Variants in ZNF385D observed in about 807,000 individuals in gnomAD.
ZNF385D encodes the protein zinc finger protein 385D.
Under a neutral mutation model 35.8 loss-of-function variants are expected in ZNF385D, and 15 were observed. That is an observed-to-expected ratio of 0.42 (90% CI 0.28 to 0.64). The LOEUF (loss-of-function observed/expected upper bound fraction) is 0.64, where lower values mean the gene tolerates loss of function less well. Among genes scored for constraint, ZNF385D ranks in the 30% least tolerant of loss-of-function variants. The probability of loss-of-function intolerance (pLI) is 0.23; values close to 1 mark genes in which losing one functional copy is unlikely to be tolerated. For synonymous variants in ZNF385D, 212 were observed against 186.8 expected (o/e 1.13, Z -1.10); for missense variants, 474 against 494.6 (o/e 0.96, Z 0.39).
At chr3:21,731,785 T>C (rs2069008201) in intron 1 of ZNF385D, among the ~76,000 whole-genome samples, 1 of 152,152 alleles carries the variant, frequency 6.6e-6, no homozygotes, top group South Asian at 2.1e-4. Context: ...AAGGGTCAAA[T>C]GTAGTTGGAA....
At chr3:21,521,416 G>A (rs1381648650) in intron 3 of ZNF385D, among the ~76,000 whole-genome samples, 6 of 152,194 alleles carry the variant, frequency 3.9e-5, no homozygotes, top group African/African-American at 1.2e-4. Flanking sequence ...ATGAATTAGA[G>A]ATAGAGTGGT....
At chr3:22,358,711 C>T (rs961561311) in intron 2 of ZNF385D, among the ~76,000 whole-genome samples, 1 of 151,446 alleles carries the variant, frequency 6.6e-6, no homozygotes, top group Non-Finnish European at 1.5e-5. Context: ...ATCTGAGAAG[C>T]AAAAATAAGA....
intron 2 of ZNF385D, among the ~76,000 whole-genome samples, chr3:22,235,882 CAAAT>C (rs1304983115): frequency 5.3e-5 from 8 of 152,060 alleles, no homozygotes; most frequent in African/African-American, 1.9e-4. Flanking sequence ...TCATGTTCGA[CAAAT>C]AAAAAGTAAA....
Position 21,512,301 on chromosome 3 carries a change from A to G in ZNF385D, c.277-1278T>C, listed in dbSNP as rs137933677. Among the ~76,000 whole-genome samples, 481 of 152,274 alleles carry G rather than the reference A, an allele frequency of 3.2e-3. 1 individual carries two copies. The highest frequency in any genetic ancestry group is 0.011 in the African/African-American group (465 of 41,560). ...ATTCTTAACTTAGGTTTTCCAGGTC[A>G]TAACCTTTCCAAATGTCCCCCACAA... On this transcript the variant is annotated intron_variant, in intron 3 of 7. Coordinates refer to ENST00000281523, the MANE Select transcript of ZNF385D (RefSeq NM_024697.3).
chr3:21,919,150 T>C (rs915253831), intron 3 of ZNF385D, among the ~76,000 whole-genome samples: 1 of 152,216 alleles, frequency 6.6e-6, no homozygotes, highest in Admixed American at 6.5e-5. Flanking sequence ...TTACAGAATG[T>C]TGAAGGACAA....
chr3:21,631,929 C>T lies in ZNF385D; in HGVS notation c.165+32957G>A, dbSNP rs2065293575. Among the ~76,000 whole-genome samples, 2 of 152,128 alleles carry T rather than the reference C, an allele frequency of 1.3e-5. 1 individual carries two copies. Among genetic ancestry groups the T allele is most frequent in the South Asian group, 4.1e-4 (2 of 4,820 alleles). On this transcript the variant is annotated intron_variant, in intron 2 of 7. Transcript: ENST00000281523. ...ATTGAAGCCTTCAGCTTCCTAGAGGCGGATCCTTATTAATTTGGACTTCAT... is the reference window on the plus strand; with the variant it reads ...ATTGAAGCCTTCAGCTTCCTAGAGGTGGATCCTTATTAATTTGGACTTCAT...
Position 22,101,851 on chromosome 3 carries a change from CTA to C in ZNF385D, c.325+66964_325+66965del, listed in dbSNP as rs1176101207. ...GGTAATATTTTAAATCATCTGGTGACTATATATTTTCTGGTACCAATGAGTAA... is the reference window on the plus strand; with the variant it reads ...GGTAATATTTTAAATCATCTGGTGACTATATTTTCTGGTACCAATGAGTAA... On this transcript the variant is annotated intron_variant, in intron 3 of 5. Transcript: ENST00000494108. 2.6e-5 allele frequency among the ~76,000 whole-genome samples: 4 copies of C among 151,834 alleles called. No homozygotes were observed. The South Asian group carries it at 8.3e-4, about 32-fold the overall frequency.
At chr3:21,971,683 A>T (rs1374769366) in intron 3 of ZNF385D, among the ~76,000 whole-genome samples, 1 of 151,778 alleles carries the variant, frequency 6.6e-6, no homozygotes. Flanking sequence ...GAATGAATAA[A>T]AAAAAAAAGA....
chr3:21,978,901 G>A (rs1351380239), intron 3 of ZNF385D, among the ~76,000 whole-genome samples: 1 of 151,640 alleles, frequency 6.6e-6, no homozygotes, highest in Non-Finnish European at 1.5e-5. Flanking sequence ...CTTTTCCCAA[G>A]AAAAGTAAAA....
intron 3 of ZNF385D, among the ~76,000 whole-genome samples, chr3:21,979,185 G>A (rs572479563): frequency 1.5e-4 from 23 of 151,964 alleles, no homozygotes; most frequent in Non-Finnish European, 2.5e-4. Flanking sequence ...CCAAACATTT[G>A]TAAAAAGGAG....
rs1049822465 is a variant in ZNF385D, at chr3:22,211,341, T to A, written c.107-42306A>T. Among the ~76,000 whole-genome samples, 6 of 152,070 alleles carry A rather than the reference T, an allele frequency of 3.9e-5. No homozygotes were observed. In the Admixed American group the frequency reaches 3.9e-4, roughly 10 times the overall value. On this transcript the variant is annotated intron_variant, in intron 2 of 5. Transcript: ENST00000494108. ...AATATGTCAGTAGCCACTTTTCTCA[T>A]CCTAGTCTCCCATCTTTTCAAAAAA...
intron 1 of ZNF385D, among the ~76,000 whole-genome samples, chr3:21,720,200 T>A (rs1304461946): frequency 6.6e-6 from 1 of 152,214 alleles, no homozygotes; most frequent in African/African-American, 2.4e-5. Flanking sequence ...GCCACTGGCC[T>A]AGAATAGCTA....
chr3:21,466,403 T>C (rs1253863569), intron 4 of ZNF385D, among the ~76,000 whole-genome samples: 1 of 152,204 alleles, frequency 6.6e-6, no homozygotes, highest in Non-Finnish European at 1.5e-5. Flanking sequence ...GCCTTTAGCA[T>C]GGTTCATTCT....
chr3:21,586,069 G>A (rs767099117), intron 2 of ZNF385D, among the ~76,000 whole-genome samples: 5 of 151,834 alleles, frequency 3.3e-5, no homozygotes, highest in Non-Finnish European at 7.4e-5. Flanking sequence ...ATTTGGGCAT[G>A]GTGGCACGCA....
intron 3 of ZNF385D, among the ~76,000 whole-genome samples, chr3:21,813,192 T>C (rs1575697993): frequency 2.0e-5 from 3 of 152,098 alleles, no homozygotes; most frequent in South Asian, 4.1e-4. Context: ...ACCCCATCTG[T>C]AGGTCACCAT....
intron 3 of ZNF385D, among the ~76,000 whole-genome samples, chr3:22,147,138 A>C (rs950926909): frequency 6.6e-6 from 1 of 152,232 alleles, no homozygotes; most frequent in African/African-American, 2.4e-5. Flanking sequence ...ATAATTTAGA[A>C]CAAGTACTAG....
rs192280031 is a variant in ZNF385D at position 21,527,879 on chromosome 3, G to A, written c.277-16856C>T. On this transcript the variant is annotated intron_variant, in intron 3 of 7. Coordinates refer to ENST00000281523, the MANE Select transcript of ZNF385D (RefSeq NM_024697.3). ...GGATTTTTACGTGAGCACTAAGAGC[G>A]TAAAGATATCCTAATAATGGCTTCC... 3.5e-3 allele frequency among the ~76,000 whole-genome samples: 540 copies of A among 152,214 alleles called. 1 individual carries two copies. The highest frequency in any genetic ancestry group is 7.4e-3 in the African/African-American group (306 of 41,528).
intron 2 of ZNF385D, among the ~76,000 whole-genome samples, chr3:21,575,629 G>A (rs886871563): frequency 3.9e-5 from 6 of 152,020 alleles, no homozygotes; most frequent in Admixed American, 2.6e-4. Flanking sequence ...CAGCTTTCAG[G>A]ACTCAATTGT....
At chr3:21,925,179 G>A (rs1202965115) in intron 3 of ZNF385D, among the ~76,000 whole-genome samples, 1 of 152,060 alleles carries the variant, frequency 6.6e-6, no homozygotes, top group Non-Finnish European at 1.5e-5. Context: ...AGGCAAAGTA[G>A]GTAGAATAGC....
Sources: allele counts gnomAD v4.1 joint callset (sites outside exome capture counted in the v4.1 genomes callset), GRCh38; gene constraint gnomAD v4.1.1; transcripts MANE v1.5; gene names NCBI Gene and HGNC (gene_info 2026-07-23, HGNC 2026-07-21).